Variants in KLHL6 observed in about 807,000 individuals in gnomAD.
KLHL6 encodes kelch like family member 6.
A neutral mutation model predicts 58.6 loss-of-function variants in KLHL6; 41 were observed. The ratio of observed to expected loss-of-function variants is 0.70; its 90% confidence interval spans 0.55 to 0.91. The LOEUF is 0.91. Ranked by LOEUF, KLHL6 falls within the 40% of genes least tolerant of loss-of-function variation. KLHL6 has a pLI of 0.00. For missense variants in KLHL6, 714 were observed against 805.6 expected, an observed-to-expected ratio of 0.89 and a Z score of 1.38; for synonymous variants, 338 against 322.7, an observed-to-expected ratio of 1.05 and a Z score of -0.51.
chr3:183,534,948 A>ATT (rs199669663), intron 1 of KLHL6, among the ~76,000 whole-genome samples: 567 of 31,044 alleles, frequency 0.018, 6 homozygotes, highest in African/African-American at 0.026. Context: ...ATATATATAT[A>ATT]TATTTTTTTT....
In KLHL6 at chr3:183,514,745, T is replaced by C. The variant is rs377023581; in HGVS notation, c.460-6237A>G. On this transcript the variant is annotated intron_variant, in intron 2 of 6. Coordinates refer to ENST00000341319, the MANE Select transcript of KLHL6 (RefSeq NM_130446.4). ...GTACAGTGGCACGATCTCGGCTCAT[T>C]GCATCTTCTGCCTCCCAGGTTCAAG... is the stretch of plus-strand genomic sequence containing the variant. Among the ~76,000 whole-genome samples, 9 of 152,126 alleles carry C rather than the reference T, an allele frequency of 5.9e-5. No individual in the cohort carries two copies. In the East Asian group the frequency reaches 7.7e-4, roughly 13 times the overall value.
rs141441521 is a variant in KLHL6, at chr3:183,516,271, C to T, written c.460-7763G>A. Among the ~76,000 whole-genome samples the T allele has an allele frequency of 3.8e-3, 580 of 152,248 alleles. 1 individual carries two copies. Among genetic ancestry groups the T allele is most frequent in the East Asian group, 0.012 (62 of 5,174 alleles). Reference sequence around the variant, plus strand: ...ACCAATGGCTGGGAAACTGATGATGCGCAGGGCAATCATGGGAACCAGAAA... The same window carrying T: ...ACCAATGGCTGGGAAACTGATGATGTGCAGGGCAATCATGGGAACCAGAAA... On this transcript the variant is annotated intron_variant, in intron 2 of 6. Coordinates refer to ENST00000341319, the MANE Select transcript of KLHL6 (RefSeq NM_130446.4).
rs1023587194 is a variant in KLHL6, at chr3:183,490,705, T to G, written c.*1222A>C. The G allele has an allele frequency of 1.3e-5, 2 of 151,480 alleles. No individual in the cohort carries two copies. The highest frequency in any genetic ancestry group is 4.9e-5 in the African/African-American group (2 of 41,136). The allele number at this position is 151,480 out of a possible 1,614,324, so 9.4% of individuals were successfully genotyped here. On this transcript the variant is annotated 3_prime_UTR_variant, in exon 7 of 7. Transcript: ENST00000341319. Reference sequence around the variant, plus strand: ...CTGTAATCCCAGCTACTCAGGAGGCTGAGGCAGGAAAATCACTTGAACCAG... The same window carrying G: ...CTGTAATCCCAGCTACTCAGGAGGCGGAGGCAGGAAAATCACTTGAACCAG...
chr3:183,504,895 C>A (rs1328032934), intron 3 of KLHL6, among the ~76,000 whole-genome samples: 1 of 152,074 alleles, frequency 6.6e-6, no homozygotes, highest in Non-Finnish European at 1.5e-5. Flanking sequence ...ATCTTTTGTT[C>A]CCTTCTTTGT....
Position 183,537,337 on chromosome 3 carries a change from C to T in KLHL6, c.294-9327G>A, listed in dbSNP as rs377020499. 7.2e-5 allele frequency among the ~76,000 whole-genome samples: 11 copies of T among 152,292 alleles called. No homozygotes were observed. The East Asian group carries it at 7.7e-4, about 11-fold the overall frequency. ...TTGCGGGGGATCAACTCAGTGTCAG[C>T]GCTCAATGGACCAGCCCAAACTTTG... On this transcript the variant is annotated intron_variant, in intron 1 of 6. Transcript: ENST00000341319.
chr3:183,544,151 G>A (rs949923984), intron 1 of KLHL6, among the ~76,000 whole-genome samples: 6 of 101,544 alleles, frequency 5.9e-5, no homozygotes, highest in African/African-American at 2.0e-4. Flanking sequence ...CGACAAGAGC[G>A]AAACTCAGTC....
chr3:183,499,846 A>G lies in KLHL6; in HGVS notation c.910-19T>C, dbSNP rs373230014. The stretch of plus-strand genomic sequence containing the variant: ...AAATGATCTGGAAATCGATGGGGGT[A>G]CATGAAGGCAGGGACAACACAAAGT... On this transcript the variant is annotated intron_variant, in intron 3 of 6. Coordinates refer to ENST00000341319, the MANE Select transcript of KLHL6 (RefSeq NM_130446.4). This position sits in a 1 kb window ranked among gnomAD's most constrained non-coding sequence, Gnocchi z 4.6. 7 of 1,545,944 alleles carry G rather than the reference A, an allele frequency of 4.5e-6. No individual in the cohort carries two copies. The highest frequency in any genetic ancestry group is 1.2e-5 in the South Asian group (1 of 81,878).
chr3:183,502,257 G>A (rs1026829391), intron 3 of KLHL6, among the ~76,000 whole-genome samples: 8 of 151,188 alleles, frequency 5.3e-5, no homozygotes, highest in South Asian at 4.2e-4. Flanking sequence ...AGCCAACGTC[G>A]CAGCATTGCA....
intron 2 of KLHL6, among the ~76,000 whole-genome samples, chr3:183,514,199 C>G (rs62287199): frequency 0.066 from 10,017 of 152,282 alleles, 438 homozygotes; most frequent in Non-Finnish European, 0.092. Flanking sequence ...CCAAATAATA[C>G]AACACGGAGT....
At chr3:183,544,025 T>C (rs1237512643) in intron 1 of KLHL6, among the ~76,000 whole-genome samples, 3 of 152,038 alleles carry the variant, frequency 2.0e-5, no homozygotes, top group Admixed American at 6.6e-5. Flanking sequence ...TAGCCGGGCA[T>C]AGTGGCACAC....
intron 2 of KLHL6, among the ~76,000 whole-genome samples, chr3:183,518,597 G>A (rs1413416578): frequency 6.6e-6 from 1 of 152,096 alleles, no homozygotes; most frequent in African/African-American, 2.4e-5. Flanking sequence ...GGCAGCAACC[G>A]AGCACAGGCT....
At chr3:183,530,658 G>A (rs76941674) in intron 1 of KLHL6, among the ~76,000 whole-genome samples, 6,329 of 152,168 alleles carry the variant, frequency 0.042, 436 homozygotes, top group African/African-American at 0.14. Context: ...TGAAGAGAAC[G>A]CCAAAAATGT....
At chr3:183,523,304 G>A (rs1167334592) in intron 2 of KLHL6, among the ~76,000 whole-genome samples, 1 of 152,196 alleles carries the variant, frequency 6.6e-6, no homozygotes, top group Non-Finnish European at 1.5e-5. Context: ...ATCTGCATTA[G>A]CCTCATGCGC....
At chr3:183,555,308 A>C in intron 1 of KLHL6, 53 bp downstream of exon 1, 2 of 1,520,266 alleles carry the variant, frequency 1.3e-6, no homozygotes, top group South Asian at 2.4e-5. Context: ...ACACTAACAC[A>C]CCTCTTCCTT....
At chr3:183,549,572 G>T (rs1037608246) in intron 1 of KLHL6, among the ~76,000 whole-genome samples, 3 of 152,184 alleles carry the variant, frequency 2.0e-5, no homozygotes, top group African/African-American at 7.2e-5. Flanking sequence ...GCAGTGGCAT[G>T]ATCTTGGCTC....
intron 2 of KLHL6, chr3:183,522,159 C>T (rs1205058860): frequency 6.6e-6 from 1 of 151,768 alleles, no homozygotes; most frequent in Non-Finnish European, 1.5e-5. Flanking sequence ...AACCCCGTCT[C>T]TAATAAAAAT....
At chr3:183,523,509 G>A (rs1711842354) in intron 2 of KLHL6, among the ~76,000 whole-genome samples, 1 of 152,102 alleles carries the variant, frequency 6.6e-6, no homozygotes, top group Admixed American at 6.5e-5. Context: ...TTGGCCACGG[G>A]ACTTAGCCTG....
chr3:183,514,431 G>A (rs1404240228), intron 2 of KLHL6, among the ~76,000 whole-genome samples: 1 of 151,942 alleles, frequency 6.6e-6, no homozygotes, highest in Non-Finnish European at 1.5e-5. Flanking sequence ...CCACGCTCCT[G>A]CCATCTCTCG....
intron 1 of KLHL6, among the ~76,000 whole-genome samples, chr3:183,550,516 C>T (rs990625010): frequency 9.2e-5 from 14 of 152,182 alleles, no homozygotes; most frequent in East Asian, 7.7e-4. Context: ...AAAGGCCAGG[C>T]GTGGTGGGTG....
Sources: gnomAD v4.1 joint callset for allele counts (sites outside exome capture counted in the v4.1 genomes callset) on GRCh38, gnomAD v4.1.1 for gene constraint, Gnocchi (gnomAD v3.1) non-coding constraint, MANE v1.5 for transcripts, NCBI Gene and HGNC (gene_info 2026-07-23, HGNC 2026-07-21) for gene names.